REPS2: variants seen among roughly 807,000 people sequenced by gnomAD.
REPS2 encodes RALBP1 associated Eps domain containing 2.
In REPS2, 23 loss-of-function variants were observed where a neutral mutation model predicts 53.6. The observed-to-expected ratio is 0.43, with a 90% confidence interval of 0.31 to 0.61. The LOEUF (loss-of-function observed/expected upper bound fraction) is 0.61. Among genes scored for constraint, REPS2 ranks in the 20% least tolerant of loss-of-function variants. REPS2 has a pLI of 0.11. For missense variants in REPS2, 446 were observed against 534.9 expected, an observed-to-expected ratio of 0.83 and a Z score of 1.64; for synonymous variants, 238 against 218.6, an observed-to-expected ratio of 1.09 and a Z score of -0.78.
At chrX:17,029,332 G>A (rs1315554728) in intron 4 of REPS2, among the ~76,000 whole-genome samples, 194 bp from the exon 5 acceptor site, 5 of 112,268 alleles carry the variant, frequency 4.5e-5, no homozygotes, top group African/African-American at 1.6e-4. Flanking sequence ...ATCATGAATT[G>A]GTTGAATGTC....
intron 13 of REPS2, among the ~76,000 whole-genome samples, chrX:17,089,398 A>G (rs776911052): frequency 7.2e-5 from 8 of 111,624 alleles, no homozygotes; most frequent in Admixed American, 1.9e-4. Flanking sequence ...ATTGAGGTAT[A>G]TAGATCATAA....
At chrX:17,043,643 A>G (rs1488210113) in intron 5 of REPS2, among the ~76,000 whole-genome samples, 2 of 111,783 alleles carry the variant, frequency 1.8e-5, no homozygotes, top group Admixed American at 1.9e-4. Flanking sequence ...TTTAGGGTCT[A>G]CTTTCTCTTC....
At chrX:17,068,376 A>G in intron 9 of REPS2, 26 bp from the exon 10 acceptor site, 3 of 1,157,382 alleles carry the variant, frequency 2.6e-6, no homozygotes, top group Non-Finnish European at 3.5e-6. Context: ...CAACCAGTTT[A>G]ATTCATTTAC....
the REPS2 span, among the ~76,000 whole-genome samples, chrX:17,182,136 A>ATCTGTCTG: frequency 1.3e-5 from 1 of 76,552 alleles, no homozygotes; most frequent in East Asian, 3.7e-4. Flanking sequence ...AGTGTGCTCT[A>ATCTGTCTG]TCTGTCTATC....
chrX:17,159,393 A>G, the REPS2 span, among the ~76,000 whole-genome samples: 1 of 111,629 alleles, frequency 9.0e-6, no homozygotes, highest in African/African-American at 3.3e-5. Context: ...GTTGGAGGCA[A>G]TGGGGTGAGG....
intron 1 of REPS2, among the ~76,000 whole-genome samples, chrX:16,982,980 G>A (rs1342277728): frequency 8.9e-6 from 1 of 112,215 alleles, no homozygotes; most frequent in Non-Finnish European, 1.9e-5. Context: ...GAGATATCTG[G>A]CAATGTCTGG....
intron 2 of REPS2, among the ~76,000 whole-genome samples, chrX:17,016,375 T>G (rs1187356783): frequency 8.9e-6 from 1 of 112,318 alleles, no homozygotes; most frequent in Non-Finnish European, 1.9e-5. Flanking sequence ...AAAACTTTAT[T>G]TATGAACACT....
intron 1 of REPS2, among the ~76,000 whole-genome samples, chrX:16,975,602 A>G (rs2060946638): frequency 8.9e-6 from 1 of 111,797 alleles, no homozygotes; most frequent in Admixed American, 9.5e-5. Context: ...ATCAGGAGGC[A>G]CATGATGTCT....
intron 5 of REPS2, among the ~76,000 whole-genome samples, chrX:17,033,128 C>T (rs753413399): frequency 8.9e-6 from 1 of 111,935 alleles, no homozygotes; most frequent in South Asian, 3.7e-4. Context: ...TCTCAGCTGC[C>T]TCTGTTTTTG....
intron 2 of REPS2, among the ~76,000 whole-genome samples, chrX:17,006,659 A>C (rs933541889): frequency 9.0e-6 from 1 of 111,488 alleles, no homozygotes; most frequent in African/African-American, 3.3e-5. Context: ...TTAATTTTCC[A>C]CTTGAGGTAT....
intron 1 of REPS2, among the ~76,000 whole-genome samples, chrX:16,980,110 GT>G (rs756175925): frequency 1.5e-3 from 146 of 94,981 alleles, no homozygotes; most frequent in Admixed American, 3.1e-3. Flanking sequence ...ATTATCACCA[GT>G]TTTTTTTTTT....
At chrX:16,971,039 C>CT (rs1012199790) in intron 1 of REPS2, among the ~76,000 whole-genome samples, 1 of 112,320 alleles carries the variant, frequency 8.9e-6, no homozygotes, top group African/African-American at 3.2e-5. Flanking sequence ...TATGGTAACT[C>CT]TATGTTTAAC....
chrX:17,133,721 A>G, intron 14 of REPS2, 103 bp from the exon 15 acceptor site: 1 of 728,106 alleles, frequency 1.4e-6, no homozygotes, highest in African/African-American at 2.1e-5. Context: ...AACTTGGCCT[A>G]AATCAGTTTT....
chrX:17,039,684 A>G (rs749194301), intron 5 of REPS2, among the ~76,000 whole-genome samples: 7 of 112,220 alleles, frequency 6.2e-5, no homozygotes, highest in Admixed American at 9.4e-5. Context: ...ATAGAGCTTG[A>G]TGATCAAGTG....
At chrX:17,101,030 GT>G (rs932194874) in intron 13 of REPS2, among the ~76,000 whole-genome samples, 2 of 103,374 alleles carry the variant, frequency 1.9e-5, no homozygotes, top group Admixed American at 1.0e-4. Context: ...GCCAACTCTT[GT>G]TTTTTTTTCT....
At chrX:17,036,557 G>A (rs1466186846) in intron 5 of REPS2, among the ~76,000 whole-genome samples, 1 of 111,671 alleles carries the variant, frequency 9.0e-6, no homozygotes, top group Admixed American at 9.5e-5. Flanking sequence ...TGAGGCTCTC[G>A]AAGGAGGTTA....
Position 17,069,970 on chromosome X carries a change from C to A in REPS2, c.1310C>A (p.Pro437Gln). The change falls in exon 11 of 18, where the codon CCA (proline) becomes CAA (glutamine). Residue 437 changes from proline to glutamine, a missense_variant. Pro to Gln is a moderately conservative substitution (Grantham distance 76, BLOSUM62 -1). Coordinates refer to ENST00000357277, the MANE Select transcript of REPS2 (RefSeq NM_004726.3). ...ALKSTINEAL[P>Q]KDVSEDPATP... is the part of the protein sequence containing the mutation. Reference sequence around the variant, plus strand: ...AAAAGTACTATCAATGAAGCCTTACCAAAGGACGTGTCTGAGGATCCAGGT... The same window carrying A: ...AAAAGTACTATCAATGAAGCCTTACAAAAGGACGTGTCTGAGGATCCAGGT... The A allele has an allele frequency of 8.8e-7, 1 of 1,137,374 alleles. No homozygotes were observed. Among genetic ancestry groups the A allele is most frequent in the Non-Finnish European group, 1.2e-6 (1 of 852,679 alleles). The allele number at this position is 1,137,374 out of a possible 1,213,427, so 93.7% of individuals were successfully genotyped here.
At chrX:17,101,831 G>A (rs1235548149) in intron 13 of REPS2, among the ~76,000 whole-genome samples, 44 of 110,223 alleles carry the variant, frequency 4.0e-4, no homozygotes, top group Non-Finnish European at 5.7e-5. Context: ...TTTTTTCTAT[G>A]TGTTTTTGGT....
At chrX:17,020,004 C>CAAAG (rs1178502088) in intron 2 of REPS2, among the ~76,000 whole-genome samples, 1 of 111,585 alleles carries the variant, frequency 9.0e-6, no homozygotes, top group Non-Finnish European at 1.9e-5. Context: ...ACCACCTGAC[C>CAAAG]AAAGAAAGTA....
Sources: gnomAD v4.1 joint callset for allele counts (sites outside exome capture counted in the v4.1 genomes callset) on GRCh38, gnomAD v4.1.1 for gene constraint, MANE v1.5 for transcripts, NCBI Gene and HGNC (gene_info 2026-07-23, HGNC 2026-07-21) for gene names.